Variants in TRAPPC3 observed in about 807,000 individuals in gnomAD.
TRAPPC3 encodes trafficking protein particle complex subunit 3, also known as trafficking protein particle complex 3.
TRAPPC3 carries 5 observed loss-of-function variants against 18.2 expected under a neutral mutation model. The ratio of observed to expected loss-of-function variants is 0.28; its 90% confidence interval spans 0.14 to 0.58. The LOEUF is 0.58. TRAPPC3 is among the 20% of genes least tolerant of loss of function. TRAPPC3 has a pLI of 0.91. For missense variants in TRAPPC3, 176 were observed against 225.9 expected, an observed-to-expected ratio of 0.78 and a Z score of 1.41; for synonymous variants, 65 against 84.2, an observed-to-expected ratio of 0.77 and a Z score of 1.25.
At chr1:36,153,656 G>A (rs939566305), upstream of TRAPPC3, among the ~76,000 whole-genome samples, 1 of 152,108 alleles carries the variant, frequency 6.6e-6, no homozygotes, top group Non-Finnish European at 1.5e-5. Context: ...GCTTCTACGC[G>A]GTAGCTGCCA....
chr1:36,137,006 C>T lies in TRAPPC3; in HGVS notation c.*197G>A, dbSNP rs553196699. On this transcript the variant is annotated 3_prime_UTR_variant, in exon 5 of 5. Coordinates refer to ENST00000373166, the MANE Select transcript of TRAPPC3 (RefSeq NM_014408.5). The stretch of plus-strand genomic sequence containing the variant: ...TCAAGGGAATGGGGGCAGAGACTGT[C>T]GCTCCTGAATGTGCACACATGGGGT... 1.8e-5 allele frequency: 9 copies of T among 508,646 alleles called. No individual in the cohort carries two copies. The highest frequency in any genetic ancestry group is 4.0e-5 in the South Asian group (1 of 25,174). The allele number at this position is 508,646 out of a possible 1,614,324, so 31.5% of individuals were successfully genotyped here.
At chr1:36,155,298 T>A (rs978010807) in intron 1 of TRAPPC3, among the ~76,000 whole-genome samples, 1 of 152,142 alleles carries the variant, frequency 6.6e-6, no homozygotes, top group African/African-American at 2.4e-5. Flanking sequence ...CTTGAAGCCC[T>A]CACCTCAGCT....
upstream of TRAPPC3, among the ~76,000 whole-genome samples, chr1:36,151,584 C>A (rs1398405526): frequency 6.6e-6 from 1 of 152,076 alleles, no homozygotes; most frequent in Non-Finnish European, 1.5e-5. Flanking sequence ...GCACTCCAGC[C>A]TGGGTGACAG....
At chr1:36,152,295 CTTTTTT>C (rs11364641), upstream of TRAPPC3, among the ~76,000 whole-genome samples, 4 of 135,590 alleles carry the variant, frequency 3.0e-5, no homozygotes, top group African/African-American at 8.2e-5. Context: ...ATTTCTTTTT[CTTTTTT>C]TTTTTTTTTT....
At chr1:36,155,346 C>G (rs958150283) in intron 1 of TRAPPC3, among the ~76,000 whole-genome samples, 3 of 152,156 alleles carry the variant, frequency 2.0e-5, no homozygotes, top group African/African-American at 7.2e-5. Context: ...TTCTGGAGGG[C>G]TGGGAAGCAG....
At chr1:36,138,565 A>G (rs1166054938) in intron 3 of TRAPPC3, among the ~76,000 whole-genome samples, 1 of 152,240 alleles carries the variant, frequency 6.6e-6, no homozygotes, top group Non-Finnish European at 1.5e-5. Flanking sequence ...TATGGGTGCT[A>G]TGTCATTTAT....
At chr1:36,149,021 G>T (rs950389952) in intron 1 of TRAPPC3, 6 of 1,249,588 alleles carry the variant, frequency 4.8e-6, no homozygotes, top group Non-Finnish European at 6.2e-6. Context: ...CTGAGATGCT[G>T]TAACGTGCGT....
intron 1 of TRAPPC3, 48 bp downstream of exon 1, chr1:36,149,289 T>A (rs752561493): frequency 1.2e-6 from 2 of 1,612,370 alleles, no homozygotes; most frequent in South Asian, 1.1e-5. Flanking sequence ...CCCTTCCCTG[T>A]ACGCCTCAAT....
intron 3 of TRAPPC3, 52 bp downstream of exon 3, chr1:36,139,667 AG>A: frequency 6.2e-7 from 1 of 1,608,446 alleles, no homozygotes; most frequent in Non-Finnish European, 8.5e-7. Context: ...AGTGGTAAGC[AG>A]TGCCTCTCAG....
At chr1:36,152,115 G>A (rs1644275808), upstream of TRAPPC3, among the ~76,000 whole-genome samples, 2 of 152,134 alleles carry the variant, frequency 1.3e-5, no homozygotes, top group Non-Finnish European at 2.9e-5. Flanking sequence ...ATTTGTGGGT[G>A]TGGGAGCAGC....
At position 36,146,296 on chromosome 1, in the gene TRAPPC3, CTCTCT is replaced by C. The variant is rs534066043; in HGVS notation, c.42+3036_42+3040del. On this transcript the variant is annotated intron_variant, in intron 1 of 4. Transcript: ENST00000373166. ...GTTTCACCATGTTGGCCAGGATGGT[CTCTCT>C]TTTTTTTTTTTTTGAGATGGAGTCT... Among the ~76,000 whole-genome samples the C allele has an allele frequency of 8.6e-4, 94 of 108,808 alleles. No homozygotes were observed. The East Asian group carries it at 0.017, about 20-fold the overall frequency. 71.4% of individuals were successfully genotyped at this position (108,808 alleles called of 152,430 possible). A position where few individuals can be genotyped will look rare whatever the true frequency, so the allele number is the denominator to read the frequency against.
intron 3 of TRAPPC3, chr1:36,139,452 G>A (rs770969364): frequency 5.8e-5 from 22 of 380,764 alleles, no homozygotes; most frequent in Admixed American, 1.3e-4. Flanking sequence ...CACCACGCCC[G>A]ACCGAGTCTG....
rs150031318 is a variant in TRAPPC3, at chr1:36,143,484, G to C, written c.43-3318C>G. On this transcript the variant is annotated intron_variant, in intron 1 of 4. Transcript: ENST00000373166. The stretch of plus-strand genomic sequence containing the variant: ...AGAAAAGGAAATCAGATAAGTGACG[G>C]GAGGTTGCAGAGTCTGAAGACCTGG... Among the ~76,000 whole-genome samples the C allele has an allele frequency of 2.4e-3, 360 of 152,262 alleles. 2 individuals carry two copies. The highest frequency in any genetic ancestry group is 7.9e-3 in the African/African-American group (328 of 41,540).
Position 36,137,991 on chromosome 1 carries a change from A to G in TRAPPC3, c.241-13T>C, listed in dbSNP as rs763201943. The G allele has an allele frequency of 6.2e-7, 1 of 1,612,654 alleles. No individual in the cohort carries two copies. The highest frequency in any genetic ancestry group is 2.2e-5 in the East Asian group (1 of 44,880). On this transcript the variant is annotated splice_polypyrimidine_tract_variant and intron_variant, in intron 3 of 4. Coordinates refer to ENST00000373166, the MANE Select transcript of TRAPPC3 (RefSeq NM_014408.5). ...TCTTGAACGCCACCTGTCAGGGGAC[A>G]CACAACAGCACTTTGGGGAAGAGCA...
chr1:36,149,280 C>G, intron 1 of TRAPPC3, 57 bp downstream of exon 1: 1 of 1,611,476 alleles, frequency 6.2e-7, no homozygotes, highest in Non-Finnish European at 8.5e-7. Context: ...GCGCCGGGCC[C>G]CTTCCCTGTA....
intron 1 of TRAPPC3, among the ~76,000 whole-genome samples, chr1:36,154,900 A>G (rs1644303949): frequency 6.6e-6 from 1 of 152,104 alleles, no homozygotes; most frequent in South Asian, 2.1e-4. Context: ...AGGGGACACT[A>G]TTCCCTTCCC....
intron 1 of TRAPPC3, chr1:36,140,823 T>G (rs895809571): frequency 6.6e-6 from 1 of 152,230 alleles, no homozygotes; most frequent in African/African-American, 2.4e-5. Flanking sequence ...CTGGTTTCTA[T>G]TACAATAGCA....
intron 3 of TRAPPC3, chr1:36,138,333 G>A (rs1169241379): frequency 5.0e-6 from 7 of 1,402,348 alleles, no homozygotes; most frequent in African/African-American, 4.3e-5. Context: ...CCTGAGTGCA[G>A]AGGCCCTAAC....
At chr1:36,149,265 G>T (rs1644246418) in intron 1 of TRAPPC3, 72 bp downstream of exon 1, 5 of 1,602,888 alleles carry the variant, frequency 3.1e-6, no homozygotes, top group East Asian at 4.5e-5. Flanking sequence ...CGCACCTCGC[G>T]CTCGGCGCCG....
Sources: allele counts gnomAD v4.1 joint callset (sites outside exome capture counted in the v4.1 genomes callset), GRCh38; gene constraint gnomAD v4.1.1; transcripts MANE v1.5; gene names NCBI Gene and HGNC (gene_info 2026-07-23, HGNC 2026-07-21).